The following CPNE4 variants were observed in gnomAD, a reference collection of about 807,000 sequenced individuals.
The protein encoded by CPNE4 is copine 4, also known as copine-4.
Under a neutral mutation model 67.9 loss-of-function variants are expected in CPNE4, and 25 were observed. The ratio of observed to expected loss-of-function variants is 0.37; its 90% CI spans 0.27 to 0.51. The LOEUF (loss-of-function observed/expected upper bound fraction) is 0.51. CPNE4 is among the 20% of genes least tolerant of loss of function. The pLI is 0.93. For missense variants in CPNE4, 464 were observed against 690.8 expected (o/e 0.67, Z 3.68); for synonymous variants, 242 against 244.9 (o/e 0.99, Z 0.11).
At chr3:132,031,536 T>TCATTCTTTGTTCTGGATTCAGACC (rs2074235304) in intron 1 of CPNE4, among the ~76,000 whole-genome samples, 2 of 152,208 alleles carry the variant, frequency 1.3e-5, no homozygotes, top group African/African-American at 2.4e-5. Flanking sequence ...AGTACCTGTC[T>TCATTCTTTGTTCTGGATTCAGACC]CATTCTTTGT....
chr3:131,647,570 T>C (rs973929135), intron 7 of CPNE4, among the ~76,000 whole-genome samples: 1 of 152,194 alleles, frequency 6.6e-6, no homozygotes, highest in African/African-American at 2.4e-5. Flanking sequence ...ATTGTCAGAT[T>C]CATATGAAGA....
chr3:131,622,018 C>CAAAAAAA (rs34415771), intron 7 of CPNE4, among the ~76,000 whole-genome samples: 10 of 58,000 alleles, frequency 1.7e-4, no homozygotes, highest in African/African-American at 3.7e-4. Context: ...GACCCTGTCT[C>CAAAAAAA]AAAAAAAAAA....
chr3:131,836,977 T>A (rs2085581615), intron 2 of CPNE4, among the ~76,000 whole-genome samples: 1 of 152,162 alleles, frequency 6.6e-6, no homozygotes, highest in African/African-American at 2.4e-5. Flanking sequence ...GAAAAGATGT[T>A]CAATATCACT....
chr3:131,885,296 T>C (rs969335155), intron 2 of CPNE4, among the ~76,000 whole-genome samples: 4 of 151,890 alleles, frequency 2.6e-5, no homozygotes, highest in Non-Finnish European at 4.4e-5. Context: ...AACTTTGAAC[T>C]TGAGATAGAT....
intron 1 of CPNE4, among the ~76,000 whole-genome samples, chr3:131,920,550 C>G (rs761664785): frequency 4.0e-5 from 6 of 151,796 alleles, no homozygotes; most frequent in Non-Finnish European, 7.4e-5. Flanking sequence ...CAACTGATGA[C>G]AGATATCTTG....
At chr3:131,895,171 T>C (rs2088276990) in intron 2 of CPNE4, among the ~76,000 whole-genome samples, 1 of 151,900 alleles carries the variant, frequency 6.6e-6, no homozygotes, top group Admixed American at 6.6e-5. Flanking sequence ...GTTGGTATCA[T>C]AGAAGCAGAG....
intron 13 of CPNE4, 135 bp downstream of exon 13, chr3:131,552,305 G>T: frequency 2.7e-6 from 2 of 754,388 alleles, no homozygotes; most frequent in Non-Finnish European, 4.5e-6. Flanking sequence ...GAGTAGCATG[G>T]TTTATGTTGA....
intron 2 of CPNE4, among the ~76,000 whole-genome samples, chr3:131,904,191 G>A (rs575319221): frequency 1.3e-5 from 2 of 152,252 alleles, no homozygotes; most frequent in African/African-American, 4.8e-5. Flanking sequence ...CTTGGGGGAT[G>A]TCTGAATGTG....
chr3:131,933,323 GA>G (rs2071126355), intron 1 of CPNE4, among the ~76,000 whole-genome samples: 1 of 152,164 alleles, frequency 6.6e-6, no homozygotes, highest in African/African-American at 2.4e-5. Flanking sequence ...AGGAAAAGAA[GA>G]AAAGGGAATA....
chr3:131,698,678 G>A (rs756530223), intron 4 of CPNE4, among the ~76,000 whole-genome samples: 3 of 151,368 alleles, frequency 2.0e-5, no homozygotes, highest in African/African-American at 7.3e-5. Context: ...TTGGGAAGCC[G>A]AGGGGGGCGG....
At chr3:131,823,392 G>T (rs2107974724) in intron 2 of CPNE4, among the ~76,000 whole-genome samples, 1 of 152,280 alleles carries the variant, frequency 6.6e-6, no homozygotes, top group South Asian at 2.1e-4. Flanking sequence ...AGCCTTCCAT[G>T]ATAGAAATGC....
At chr3:131,870,123 A>G (rs1017527062) in intron 2 of CPNE4, among the ~76,000 whole-genome samples, 1 of 152,142 alleles carries the variant, frequency 6.6e-6, no homozygotes, top group African/African-American at 2.4e-5. Flanking sequence ...AGAAGAACAC[A>G]CAGCATGGGC....
chr3:131,792,732 CGTGTG>C (rs1304542404), intron 2 of CPNE4, among the ~76,000 whole-genome samples: 3 of 78,886 alleles, frequency 3.8e-5, no homozygotes, highest in South Asian at 4.6e-4. Context: ...TATATATACA[CGTGTG>C]TATATATGTA....
chr3:131,973,362 A>C (rs1206700782), intron 1 of CPNE4, among the ~76,000 whole-genome samples: 7 of 152,138 alleles, frequency 4.6e-5, no homozygotes. Flanking sequence ...AAAAATGTCA[A>C]TTTTTTCCCA....
chr3:131,865,763 G>A (rs951301844), intron 2 of CPNE4, among the ~76,000 whole-genome samples: 2 of 152,210 alleles, frequency 1.3e-5, no homozygotes, highest in Non-Finnish European at 2.9e-5. Context: ...TCTCCAAGAA[G>A]CAGACCTGGA....
intron 7 of CPNE4, among the ~76,000 whole-genome samples, chr3:131,642,765 T>C: frequency 6.6e-6 from 1 of 152,172 alleles, no homozygotes; most frequent in East Asian, 1.9e-4. Flanking sequence ...AGGAAGGACA[T>C]GCTTGCTTCC....
chr3:132,026,875 A>T (rs1443336468), intron 1 of CPNE4, among the ~76,000 whole-genome samples: 2 of 79,534 alleles, frequency 2.5e-5, no homozygotes, highest in Non-Finnish European at 6.1e-5. Flanking sequence ...CAAATGAGGA[A>T]ATAGGGACAG....
chr3:131,859,114 T>C lies in CPNE4; in HGVS notation c.180+46150A>G, dbSNP rs2086571992. Among the ~76,000 whole-genome samples, 2 of 152,140 alleles carry C rather than the reference T, an allele frequency of 1.3e-5. 1 individual carries two copies. The highest frequency in any genetic ancestry group is 4.1e-4 in the South Asian group (2 of 4,830). On this transcript the variant is annotated intron_variant, in intron 2 of 15. Transcript: ENST00000429747. The stretch of plus-strand genomic sequence containing the variant: ...AAAGGACATGTTTACACAAGCCAAA[T>C]GATGTAAGTGTCAGAAGTCATAAAT...
intron 7 of CPNE4, among the ~76,000 whole-genome samples, chr3:131,600,766 T>C (rs1312999775): frequency 6.6e-6 from 1 of 152,128 alleles, no homozygotes; most frequent in Non-Finnish European, 1.5e-5. Flanking sequence ...ATCCTGAAAC[T>C]CAGACCATAT....
Sources: allele counts gnomAD v4.1 joint callset (sites outside exome capture counted in the v4.1 genomes callset), GRCh38; gene constraint gnomAD v4.1.1; transcripts MANE v1.5; gene names NCBI Gene and HGNC (gene_info 2026-07-23, HGNC 2026-07-21).